Variants in PSTPIP2 observed in about 807,000 individuals in gnomAD.
PSTPIP2 encodes the protein proline-serine-threonine phosphatase interacting protein 2.
A neutral mutation model predicts 63.3 loss-of-function variants in PSTPIP2; 33 were observed. The observed-to-expected ratio is 0.52, with a 90% CI of 0.40 to 0.70. PSTPIP2 has a LOEUF of 0.70. Ranked by LOEUF, PSTPIP2 falls within the 30% of genes least tolerant of loss-of-function variation. The pLI, the probability that PSTPIP2 is intolerant of heterozygous loss-of-function variation, is 0.00. For synonymous variants in PSTPIP2, 125 were observed against 132.7 expected (o/e 0.94, Z 0.40); for missense variants, 312 against 400.7 (o/e 0.78, Z 1.89).
At chr18:46,035,374 C>T (rs939643384) in intron 2 of PSTPIP2, among the ~76,000 whole-genome samples, 3 of 148,442 alleles carry the variant, frequency 2.0e-5, no homozygotes, top group Admixed American at 6.8e-5. Context: ...GAGCTGAGAT[C>T]GCACCACTGT....
Position 45,988,742 on chromosome 18 carries a change from A to C in PSTPIP2, c.973T>G (p.Leu325Val). The C allele has an allele frequency of 6.4e-7, 1 of 1,565,740 alleles. No individual in the cohort carries two copies. Among genetic ancestry groups the C allele is most frequent in the Non-Finnish European group, 8.8e-7 (1 of 1,136,352 alleles). The change falls in exon 14 of 15, where the codon TTG (leucine) becomes GTG (valine). Residue 325 changes from leucine to valine, a missense_variant. Physicochemically the swap from Leu to Val is conservative, Grantham distance 32. Coordinates refer to ENST00000409746, the MANE Select transcript of PSTPIP2 (RefSeq NM_024430.4). ...TAGAGCAAACTGTAGTCATCAACCAAAGAGTAATTGGGATCATCTGCAAAA... is the reference window on the plus strand; with the variant it reads ...TAGAGCAAACTGTAGTCATCAACCACAGAGTAATTGGGATCATCTGCAAAA... The part of the protein sequence containing the change: ...KSSPDDPNYS[L>V]VDDYSLLYQ
At chr18:46,011,361 A>T in intron 4 of PSTPIP2, 74 bp from the exon 5 acceptor site, 1 of 1,169,224 alleles carries the variant, frequency 8.6e-7, no homozygotes, top group Non-Finnish European at 1.2e-6. Context: ...CATACAAAAT[A>T]AATATGTATA....
intron 9 of PSTPIP2, among the ~76,000 whole-genome samples, chr18:45,996,900 C>T (rs547066198): frequency 4.6e-5 from 7 of 152,264 alleles, no homozygotes; most frequent in South Asian, 2.1e-4. Context: ...CCAGCCTGGG[C>T]GACAGAGTGA....
chr18:46,039,300 C>A (rs1015014806), intron 2 of PSTPIP2, among the ~76,000 whole-genome samples: 3 of 152,114 alleles, frequency 2.0e-5, no homozygotes, highest in Non-Finnish European at 4.4e-5. Context: ...CTAAACCATG[C>A]CAGTTCCCCA....
At chr18:46,016,211 T>A in intron 3 of PSTPIP2, 1 of 403,312 alleles carries the variant, frequency 2.5e-6, no homozygotes, top group Non-Finnish European at 4.6e-6. Flanking sequence ...ATAGGAGTTA[T>A]GATCCTTTTC....
chr18:46,068,980 C>A (rs1345893918), intron 1 of PSTPIP2, among the ~76,000 whole-genome samples: 4 of 151,830 alleles, frequency 2.6e-5, no homozygotes, highest in Non-Finnish European at 4.4e-5. Flanking sequence ...CTAGTCAATC[C>A]CAGGCAGAGA....
chr18:46,040,900 A>C (rs1039257205), intron 1 of PSTPIP2: 2 of 411,884 alleles, frequency 4.9e-6, no homozygotes, highest in African/African-American at 4.1e-5. Context: ...AGGCCAGGAG[A>C]GGGAGAAGGA....
At chr18:45,997,369 AG>A (rs1333281839) in intron 9 of PSTPIP2, among the ~76,000 whole-genome samples, 6 of 151,966 alleles carry the variant, frequency 3.9e-5, no homozygotes, top group Admixed American at 6.6e-5. Context: ...TTGTATTTTT[AG>A]TAGAGACAGG....
At chr18:46,041,133 A>T (rs1908178169) in intron 1 of PSTPIP2, 1 of 449,102 alleles carries the variant, frequency 2.2e-6, no homozygotes, top group South Asian at 1.6e-5. Context: ...AGAAGCCAGG[A>T]ACCAGGATTC....
At chr18:45,999,824 C>T (rs531659005) in intron 6 of PSTPIP2, among the ~76,000 whole-genome samples, 16 of 152,252 alleles carry the variant, frequency 1.1e-4, no homozygotes, top group Non-Finnish European at 1.3e-4. Context: ...TGGACTGAAA[C>T]GAAAGATGGA....
At chr18:46,043,297 G>A (rs563547145) in intron 1 of PSTPIP2, among the ~76,000 whole-genome samples, 5 of 150,430 alleles carry the variant, frequency 3.3e-5, no homozygotes, top group Admixed American at 6.6e-5. Context: ...AGGCTAAGGC[G>A]GAAGGATTGA....
chr18:46,000,620 G>A (rs992903106), intron 6 of PSTPIP2, among the ~76,000 whole-genome samples: 8 of 152,110 alleles, frequency 5.3e-5, no homozygotes, highest in African/African-American at 1.2e-4. Flanking sequence ...CACCCGCCTC[G>A]GCCTCCCAAA....
chr18:46,009,484 C>T (rs994166772), intron 5 of PSTPIP2, among the ~76,000 whole-genome samples: 4 of 150,434 alleles, frequency 2.7e-5, no homozygotes, highest in African/African-American at 9.8e-5. Flanking sequence ...TCAAAGAAAG[C>T]TTTGAAGGTA....
chr18:46,036,301 T>C (rs1284460609), intron 2 of PSTPIP2, among the ~76,000 whole-genome samples: 1 of 150,730 alleles, frequency 6.6e-6, no homozygotes, highest in Non-Finnish European at 1.5e-5. Context: ...CAATTAGTTG[T>C]TACAATAACT....
At chr18:46,035,141 G>A (rs760182845) in intron 2 of PSTPIP2, among the ~76,000 whole-genome samples, 1 of 152,122 alleles carries the variant, frequency 6.6e-6, no homozygotes, top group Non-Finnish European at 1.5e-5. Context: ...GAGAAATAAG[G>A]TCGGGCATGG....
Position 45,992,092 on chromosome 18 carries a change from A to G in PSTPIP2, c.838+14T>C. 1 of 1,602,886 alleles carries G rather than the reference A, an allele frequency of 6.2e-7. No homozygotes were observed. The highest frequency in any genetic ancestry group is 8.5e-7 in the Non-Finnish European group (1 of 1,172,800). On this transcript the variant is annotated intron_variant, in intron 11 of 14. Coordinates refer to ENST00000409746, the MANE Select transcript of PSTPIP2 (RefSeq NM_024430.4). ...TTGTGTAAATAACACTCCCCACCCC[A>G]CTGCCCCATTCACCTGGTGGAATCT...
rs1908441045 is a variant in PSTPIP2, at chr18:46,047,895, CT to C, written c.34-7849del. On this transcript the variant is annotated intron_variant, in intron 1 of 14. Coordinates refer to ENST00000409746, the MANE Select transcript of PSTPIP2 (RefSeq NM_024430.4). ...TTTACATGGTTTCAAAATATTTCCC[CT>C]GAAGATACTTATTAATTATAAAGGG... 2.6e-5 allele frequency among the ~76,000 whole-genome samples: 4 copies of C among 152,196 alleles called. No individual in the cohort carries two copies. The South Asian group carries it at 8.3e-4, about 32-fold the overall frequency.
At chr18:46,028,456 A>G in intron 2 of PSTPIP2, 1 of 590,176 alleles carries the variant, frequency 1.7e-6, no homozygotes, top group Non-Finnish European at 3.3e-6. Context: ...GGAGAAGACA[A>G]ACCGGCCGTG....
intron 1 of PSTPIP2, among the ~76,000 whole-genome samples, chr18:46,046,618 T>C (rs1908393548): frequency 6.6e-6 from 1 of 152,192 alleles, no homozygotes; most frequent in South Asian, 2.1e-4. Flanking sequence ...AGAACCATCA[T>C]GGTTCCTGCC....
Sources: allele counts gnomAD v4.1 joint callset (sites outside exome capture counted in the v4.1 genomes callset), GRCh38; gene constraint gnomAD v4.1.1; transcripts MANE v1.5; gene names NCBI Gene and HGNC (gene_info 2026-07-23, HGNC 2026-07-21).